LRPAP1: variants seen among roughly 807,000 people sequenced by gnomAD.
LRPAP1 encodes LDL receptor related protein associated protein 1.
A neutral mutation model predicts 39.9 loss-of-function variants in LRPAP1; 41 were observed. The ratio of observed to expected loss-of-function variants is 1.03; its 90% CI spans 0.80 to 1.33. The LOEUF (loss-of-function observed/expected upper bound fraction) is 1.33. Among genes scored for constraint, LRPAP1 ranks in the 40% most tolerant of loss-of-function variants. LRPAP1 has a pLI of 0.00. For missense variants in LRPAP1, 565 were observed against 482.3 expected (o/e 1.17, Z -1.61); for synonymous variants, 263 against 212.7 (o/e 1.24, Z -2.06).
intron 5 of LRPAP1, 122 bp downstream of exon 5, chr4:3,517,912 G>A (rs1729770764): frequency 1.6e-6 from 2 of 1,282,066 alleles, no homozygotes; most frequent in Non-Finnish European, 2.1e-6. Context: ...AGCGCGCCGA[G>A]GGTCTCCGCT....
intron 1 of LRPAP1, among the ~76,000 whole-genome samples, chr4:3,528,622 A>C (rs1188784011): frequency 6.6e-6 from 1 of 152,174 alleles, no homozygotes. Context: ...CGCTCACCTG[A>C]GTGCCCGCGC....
intron 6 of LRPAP1, chr4:3,515,776 C>T (rs1233953660): frequency 8.6e-6 from 3 of 349,142 alleles, no homozygotes; most frequent in Admixed American, 4.5e-5. Context: ...CACCCCTAAA[C>T]GATCCCGGTA....
intron 2 of LRPAP1, 129 bp downstream of exon 2, chr4:3,524,778 G>C (rs908124905): frequency 1.1e-5 from 12 of 1,066,848 alleles, no homozygotes; most frequent in African/African-American, 1.6e-5. Flanking sequence ...GCTCATTTTG[G>C]ATATCCAGAT....
chr4:3,516,670 C>T (rs536721989), intron 5 of LRPAP1, among the ~76,000 whole-genome samples: 1 of 152,372 alleles, frequency 6.6e-6, no homozygotes, highest in East Asian at 1.9e-4. Flanking sequence ...GAAAGTCAAA[C>T]ATTCGGGCTC....
intron 1 of LRPAP1, among the ~76,000 whole-genome samples, chr4:3,530,085 A>C (rs528679338): frequency 2.8e-4 from 43 of 152,132 alleles, no homozygotes; most frequent in Non-Finnish European, 5.9e-4. Context: ...GTGGGGTAAG[A>C]AGCCGACTGG....
In LRPAP1 at chr4:3,507,729, CAA is replaced by C. The variant is rs1729395148; in HGVS notation, c.*5243_*5244del. 6.7e-6 allele frequency: 1 copy of C among 148,248 alleles called. No individual in the cohort carries two copies. Among genetic ancestry groups the C allele is most frequent in the Admixed American group, 6.7e-5 (1 of 14,924 alleles). The allele number at this position is 148,248 out of a possible 1,614,324, so 9.2% of individuals were successfully genotyped here. Reference sequence around the variant, plus strand: ...AGAAAGGAAATTCATAAGAAAAGAGCAAAAGTCAATGAAAAAGAAAACAATAG... The same window carrying C: ...AGAAAGGAAATTCATAAGAAAAGAGCAAGTCAATGAAAAAGAAAACAATAG... On this transcript the variant is annotated 3_prime_UTR_variant, in exon 8 of 8. Transcript: ENST00000650182.
At chr4:3,522,657 GACGGACGCCGCCCCACACCCCC>G (rs1729950564) in intron 2 of LRPAP1, among the ~76,000 whole-genome samples, 1 of 108,188 alleles carries the variant, frequency 9.2e-6, no homozygotes, top group Non-Finnish European at 2.1e-5. Context: ...GCCTGGGGAG[GACGGACGCCGCCCCACACCCCC>G]TGCCTGGGGA....
intron 2 of LRPAP1, among the ~76,000 whole-genome samples, chr4:3,524,379 T>C (rs1160713128): frequency 2.0e-5 from 3 of 152,206 alleles, no homozygotes; most frequent in African/African-American, 7.2e-5. Flanking sequence ...ATCTGGAGTA[T>C]GTCCCCAAAA....
intron 1 of LRPAP1, among the ~76,000 whole-genome samples, chr4:3,526,898 G>C (rs111983898): frequency 6.6e-6 from 1 of 152,164 alleles, no homozygotes; most frequent in Non-Finnish European, 1.5e-5. Context: ...TAGCCACACA[G>C]GCCCCACCCT....
rs1471721865 is a variant in LRPAP1, at chr4:3,520,098, G to A, written c.445C>T (p.Pro149Ser). 13 of 1,614,022 alleles carry A rather than the reference G, an allele frequency of 8.1e-6. No homozygotes were observed. The highest frequency in any genetic ancestry group is 1.1e-5 in the Non-Finnish European group (13 of 1,180,038). Residue 149 changes from proline (P) to serine (S), a missense_variant, in exon 3 of 8, where the codon CCC becomes TCC. By Grantham distance (74) the Pro-to-Ser change is moderately conservative. Transcript: ENST00000650182. ...SGTQEDGLDD[P>S]RLEKLWHKAK... ...TTGTGCCACAGCTTTTCCAGCCTGG[G>A]GTCATCCAGCCCGTCTTCCTGGGTG...
At chr4:3,529,832 T>C (rs2108698830) in intron 1 of LRPAP1, among the ~76,000 whole-genome samples, 1 of 152,200 alleles carries the variant, frequency 6.6e-6, no homozygotes, top group East Asian at 1.9e-4. Context: ...CACTACGCAA[T>C]CCTATATGCC....
chr4:3,510,851 G>C lies in LRPAP1; in HGVS notation c.*2123C>G, dbSNP rs1729484906. On this transcript the variant is annotated 3_prime_UTR_variant, in exon 8 of 8. Transcript: ENST00000650182. ...TAGGGAGCTGCGGTGGTAGGAGTCA[G>C]AATGGGTACCCCTGTGGGACTGGCT... The C allele has an allele frequency of 6.6e-6, 1 of 152,304 alleles. No individual in the cohort carries two copies. Among genetic ancestry groups the C allele is most frequent in the African/African-American group, 2.4e-5 (1 of 41,462 alleles). 9.4% of individuals were successfully genotyped at this position (152,304 alleles called of 1,614,324 possible). A position where few individuals can be genotyped will look rare whatever the true frequency, so the allele number is the denominator to read the frequency against.
intron 1 of LRPAP1, among the ~76,000 whole-genome samples, chr4:3,528,304 G>T (rs553516415): frequency 1.1e-3 from 168 of 152,302 alleles, no homozygotes; most frequent in Admixed American, 2.4e-3. Context: ...AAACGACGCC[G>T]GTCCTGTGTC....
intron 5 of LRPAP1, 96 bp downstream of exon 5, chr4:3,517,938 G>A: frequency 6.8e-7 from 1 of 1,463,884 alleles, no homozygotes; most frequent in Non-Finnish European, 9.1e-7. Context: ...CACAGGCCCA[G>A]GTTCCCGTCG....
chr4:3,522,211 G>A (rs1361703960), intron 2 of LRPAP1, among the ~76,000 whole-genome samples: 2 of 152,224 alleles, frequency 1.3e-5, no homozygotes, highest in Non-Finnish European at 1.5e-5. Flanking sequence ...CCGAGAGGAG[G>A]AGAGGGGGAG....
chr4:3,518,623 C>A (rs939525926), intron 4 of LRPAP1, among the ~76,000 whole-genome samples: 5 of 152,112 alleles, frequency 3.3e-5, no homozygotes, highest in African/African-American at 1.2e-4. Context: ...ATAGTGGGGG[C>A]AGGCGCCGGT....
intron 1 of LRPAP1, among the ~76,000 whole-genome samples, chr4:3,528,359 A>G (rs1248979136): frequency 6.6e-6 from 1 of 152,140 alleles, no homozygotes; most frequent in African/African-American, 2.4e-5. Flanking sequence ...ACCAGACCCA[A>G]GGGCCCAGCA....
rs891303457 is a variant in LRPAP1 at position 3,513,045 on chromosome 4, A to G, written c.1012-9T>C. ...TGCAGATGCTTCTTCACCTGTGGAC[A>G]GAAACGTCTCATCAGCTGGGGACAG... On this transcript the variant is annotated splice_polypyrimidine_tract_variant and intron_variant, in intron 7 of 7. Coordinates refer to ENST00000650182, the MANE Select transcript of LRPAP1 (RefSeq NM_002337.4). The G allele has an allele frequency of 1.2e-6, 2 of 1,610,724 alleles. No individual in the cohort carries two copies. The highest frequency in any genetic ancestry group is 1.7e-6 in the Non-Finnish European group (2 of 1,178,324).
At chr4:3,523,986 G>A (rs1174459062) in intron 2 of LRPAP1, among the ~76,000 whole-genome samples, 1 of 152,116 alleles carries the variant, frequency 6.6e-6, no homozygotes, top group African/African-American at 2.4e-5. Flanking sequence ...AGGGGATTGG[G>A]GAAGGGGTGC....
Sources: allele counts gnomAD v4.1 joint callset (sites outside exome capture counted in the v4.1 genomes callset), GRCh38; gene constraint gnomAD v4.1.1; transcripts MANE v1.5; gene names NCBI Gene and HGNC (gene_info 2026-07-23, HGNC 2026-07-21).